The following TMEM132B variants were observed in gnomAD, a reference collection of about 807,000 sequenced individuals.
TMEM132B encodes the protein transmembrane protein 132B.
Under a neutral mutation model 90.8 loss-of-function variants are expected in TMEM132B, and 18 were observed. The ratio of observed to expected loss-of-function variants is 0.20; its 90% CI spans 0.14 to 0.29. The LOEUF (loss-of-function observed/expected upper bound fraction) is 0.29, where lower values mean the gene tolerates loss of function less well. Among genes scored for constraint, TMEM132B ranks in the 10% least tolerant of loss-of-function variants. TMEM132B has a pLI of 1.00. For synonymous variants in TMEM132B, 504 were observed against 523.3 expected, an observed-to-expected ratio of 0.96 and a Z score of 0.50; for missense variants, 1,096 against 1,326.8, an observed-to-expected ratio of 0.83 and a Z score of 2.70.
At chr12:125,576,501 A>G (rs1375565954) in intron 4 of TMEM132B, among the ~76,000 whole-genome samples, 1 of 119,736 alleles carries the variant, frequency 8.4e-6, no homozygotes, top group African/African-American at 3.1e-5. Context: ...TAGAACCTCC[A>G]GTACAACACT....
intron 5 of TMEM132B, among the ~76,000 whole-genome samples, chr12:125,608,183 G>A (rs561006540): frequency 6.3e-4 from 96 of 152,244 alleles, no homozygotes; most frequent in African/African-American, 2.3e-3. Context: ...TTCCACAGTG[G>A]TTGCACCATT....
Position 125,314,088 on chromosome 12 carries a change from C to T in TMEM132B, c.68-35364C>T, listed in dbSNP as rs551082773. On this transcript the variant is annotated intron_variant, in intron 1 of 8. Transcript: ENST00000682704. ...ATCCAGCACCTGCCTGGGCGGCGTG[C>T]GAACTCATGTATACCTGTGTGCAGA... 1.3e-4 allele frequency among the ~76,000 whole-genome samples: 20 copies of T among 152,186 alleles called. No individual in the cohort carries two copies. In the South Asian group the frequency reaches 3.1e-3, roughly 24 times the overall value.
intron 2 of TMEM132B, among the ~76,000 whole-genome samples, chr12:125,414,776 C>A (rs141259025): frequency 3.3e-5 from 5 of 152,278 alleles, no homozygotes; most frequent in African/African-American, 1.2e-4. Context: ...CCCCAGGTCG[C>A]CCTGGGAGAA....
chr12:125,409,740 GGAGTGGAGT>G lies in TMEM132B; in HGVS notation c.960-5780_960-5772del, dbSNP rs1179334261. 2.1e-3 allele frequency among the ~76,000 whole-genome samples: 68 copies of G among 32,082 alleles called. 1 individual carries two copies. The highest frequency in any genetic ancestry group is 3.9e-3 in the Admixed American group (16 of 4,088). 21.0% of individuals were successfully genotyped at this position (32,082 alleles called of 152,430 possible). A position where few individuals can be genotyped will look rare whatever the true frequency, so the allele number is the denominator to read the frequency against. Reference sequence around the variant, plus strand: ...TGGAGTGGAGTGAGTGGAGTGGAGTGGAGTGGAGTGAGTGGAGTGGAGTGAGTGAGTGGA... The same window carrying G: ...TGGAGTGGAGTGAGTGGAGTGGAGTGGAGTGGAGTGGAGTGAGTGAGTGGA... On this transcript the variant is annotated intron_variant, in intron 2 of 8. Coordinates refer to ENST00000682704, the MANE Select transcript of TMEM132B (RefSeq NM_001366854.1).
At chr12:125,394,678 G>A (rs1324039903) in intron 2 of TMEM132B, among the ~76,000 whole-genome samples, 5 of 152,202 alleles carry the variant, frequency 3.3e-5, no homozygotes, top group African/African-American at 7.2e-5. Flanking sequence ...ATGATTTCAA[G>A]TATTCATTTG....
At chr12:125,624,561 C>A (rs903133139) in intron 5 of TMEM132B, among the ~76,000 whole-genome samples, 1 of 152,130 alleles carries the variant, frequency 6.6e-6, no homozygotes, top group South Asian at 2.1e-4. Context: ...CCCCAAGGTT[C>A]GTGGACTTAT....
chr12:125,367,052 A>G (rs1878155826), intron 2 of TMEM132B, among the ~76,000 whole-genome samples: 1 of 152,018 alleles, frequency 6.6e-6, no homozygotes, highest in Non-Finnish European at 1.5e-5. Flanking sequence ...CTGAGTTTTC[A>G]TGGCTTTTTA....
intron 4 of TMEM132B, among the ~76,000 whole-genome samples, chr12:125,555,004 T>C (rs1332752319): frequency 1.3e-5 from 2 of 152,194 alleles, no homozygotes; most frequent in Non-Finnish European, 2.9e-5. Flanking sequence ...AATTGAATAA[T>C]GGACGCACGA....
intron 1 of TMEM132B, among the ~76,000 whole-genome samples, chr12:125,280,148 A>G (rs10128889): frequency 0.062 from 9,446 of 152,072 alleles, 1,009 homozygotes; most frequent in African/African-American, 0.22. Flanking sequence ...AAAACGTAGG[A>G]CTCTCCGTGG....
At chr12:125,270,085 A>G (rs182664629) in intron 1 of TMEM132B, among the ~76,000 whole-genome samples, 19 of 147,982 alleles carry the variant, frequency 1.3e-4, no homozygotes, top group Admixed American at 8.8e-4. Context: ...CATGGCCAGA[A>G]AGCTAATGCC....
intron 1 of TMEM132B, among the ~76,000 whole-genome samples, chr12:125,281,118 T>C (rs759280840): frequency 6.5e-4 from 99 of 152,304 alleles, no homozygotes; most frequent in Admixed American, 1.4e-3. Context: ...CAGCGGTTCC[T>C]GGATACAGGG....
chr12:125,244,291 G>A (rs546809523), intron 1 of TMEM132B, among the ~76,000 whole-genome samples: 23 of 152,316 alleles, frequency 1.5e-4, no homozygotes, highest in African/African-American at 5.5e-4. Flanking sequence ...ATTGCTGGGT[G>A]ACAGGGCAGC....
At chr12:125,411,443 CCATGG>C (rs1490911613) in intron 2 of TMEM132B, among the ~76,000 whole-genome samples, 1 of 151,632 alleles carries the variant, frequency 6.6e-6, no homozygotes, top group African/African-American at 2.4e-5. Context: ...CAGCAAACCA[CCATGG>C]CATGGGTATA....
At chr12:125,314,635 G>A (rs381535) in intron 1 of TMEM132B, among the ~76,000 whole-genome samples, 112,253 of 152,044 alleles carry the variant, frequency 0.74, 42,496 homozygotes, top group African/African-American at 0.9. Flanking sequence ...ACAAGAGGTC[G>A]CGAACCCTCG....
chr12:125,543,775 G>A (rs2136736671), intron 4 of TMEM132B, among the ~76,000 whole-genome samples: 1 of 152,338 alleles, frequency 6.6e-6, no homozygotes, highest in Non-Finnish European at 1.5e-5. Context: ...TTCAACCATT[G>A]TAGAAGACAG....
At chr12:125,377,005 C>G (rs1214988902) in intron 2 of TMEM132B, among the ~76,000 whole-genome samples, 1 of 152,202 alleles carries the variant, frequency 6.6e-6, no homozygotes, top group East Asian at 1.9e-4. Flanking sequence ...CGGGACAGGG[C>G]AGGCTGGTAA....
At chr12:125,320,399 G>C (rs995412331) in intron 1 of TMEM132B, among the ~76,000 whole-genome samples, 2 of 152,006 alleles carry the variant, frequency 1.3e-5, no homozygotes, top group African/African-American at 4.8e-5. Flanking sequence ...CTACCATAAC[G>C]GTGGCTGTAA....
At chr12:125,595,441 C>A (rs111337652) in intron 5 of TMEM132B, among the ~76,000 whole-genome samples, 7 of 152,296 alleles carry the variant, frequency 4.6e-5, no homozygotes, top group African/African-American at 1.7e-4. Flanking sequence ...TCAAAATGAA[C>A]CTCAGAGACA....
chr12:125,283,717 C>G (rs1416832971), intron 1 of TMEM132B, among the ~76,000 whole-genome samples: 2 of 152,210 alleles, frequency 1.3e-5, no homozygotes, highest in African/African-American at 4.8e-5. Flanking sequence ...TGGTGCAGAC[C>G]AAGGCAGATG....
Sources: gnomAD v4.1 joint callset for allele counts (sites outside exome capture counted in the v4.1 genomes callset) on GRCh38, gnomAD v4.1.1 for gene constraint, MANE v1.5 for transcripts, NCBI Gene and HGNC (gene_info 2026-07-23, HGNC 2026-07-21) for gene names.